Variants in MYO1H observed in about 807,000 individuals in gnomAD.
MYO1H encodes myosin IH, also known as unconventional myosin-Ih.
A neutral mutation model predicts 149.3 loss-of-function variants in MYO1H; 118 were observed. The observed-to-expected ratio is 0.79, with a 90% CI of 0.68 to 0.92. The LOEUF is 0.92. Among genes scored for constraint, MYO1H ranks in the 40% least tolerant of loss-of-function variants. The probability of loss-of-function intolerance (pLI) is 0.00; values close to 1 mark genes in which losing one functional copy is unlikely to be tolerated. For synonymous variants in MYO1H, 447 were observed against 465.2 expected, an observed-to-expected ratio of 0.96 and a Z score of 0.50; for missense variants, 1,212 against 1,280.7, an observed-to-expected ratio of 0.95 and a Z score of 0.82.
At position 109,393,459 on chromosome 12, in the gene MYO1H, C is replaced by A; in HGVS notation, c.290+13C>A. 2 of 1,523,232 alleles carry A rather than the reference C, an allele frequency of 1.3e-6. No individual in the cohort carries two copies. Among genetic ancestry groups the A allele is most frequent in the East Asian group, 2.4e-5 (1 of 42,344 alleles). The allele number at this position is 1,523,232 out of a possible 1,614,324, so 94.4% of individuals were successfully genotyped here. A position where few individuals can be genotyped will look rare whatever the true frequency, so the allele number is the denominator to read the frequency against. ...TGCCACCACATGTGTAAGTAGCATC[C>A]ACAGGATCATCACTAGGAGGATTTT... On this transcript the variant is annotated intron_variant, in intron 3 of 31. Coordinates refer to ENST00000310903, the Ensembl canonical transcript of MYO1H.
At chr12:109,340,799 C>T in the MYO1H span, among the ~76,000 whole-genome samples, 4 of 152,052 alleles carry the variant, frequency 2.6e-5, no homozygotes, top group Admixed American at 2.6e-4. Context: ...AATATTGATC[C>T]TTTTTGCATA....
the MYO1H span, among the ~76,000 whole-genome samples, chr12:109,312,162 G>A: frequency 6.6e-6 from 1 of 152,042 alleles, no homozygotes; most frequent in African/African-American, 2.4e-5. Context: ...TAACTCACTT[G>A]GCAAGCTGAA....
At chr12:109,402,734 T>C (rs1870218831) in intron 6 of MYO1H, among the ~76,000 whole-genome samples, 1 of 152,252 alleles carries the variant, frequency 6.6e-6, no homozygotes, top group African/African-American at 2.4e-5. Flanking sequence ...GTGATGTTTT[T>C]TTCTTTTTGG....
intron 22 of MYO1H, among the ~76,000 whole-genome samples, chr12:109,437,546 TG>T (rs1871914101): frequency 6.6e-6 from 1 of 152,188 alleles, no homozygotes; most frequent in Non-Finnish European, 1.5e-5. Flanking sequence ...AACTCAAGTC[TG>T]CCATGGTAGC....
the MYO1H span, among the ~76,000 whole-genome samples, chr12:109,313,281 C>T: frequency 1.3e-5 from 2 of 152,106 alleles, no homozygotes; most frequent in East Asian, 1.9e-4. Context: ...CACAAGTTCT[C>T]ACAGGAGAGT....
At chr12:109,420,865 T>C (rs186362968) in intron 15 of MYO1H, 116 bp from the exon 16 acceptor site, 2 of 700,488 alleles carry the variant, frequency 2.9e-6, no homozygotes, top group East Asian at 2.7e-5. Flanking sequence ...GTTGAGAAAC[T>C]ATGAGCTAAT....
At chr12:109,370,933 G>A (rs1286849967) in intron 1 of MYO1H, among the ~76,000 whole-genome samples, 1 of 152,336 alleles carries the variant, frequency 6.6e-6, no homozygotes, top group East Asian at 1.9e-4. Flanking sequence ...GTCAGCTGCA[G>A]TTATTAGGAT....
At chr12:109,340,546 C>G in the MYO1H span, among the ~76,000 whole-genome samples, 1 of 152,056 alleles carries the variant, frequency 6.6e-6, no homozygotes, top group East Asian at 1.9e-4. Context: ...ACAAGTAACA[C>G]TAATAGCCAG....
chr12:109,326,662 C>T, the MYO1H span, among the ~76,000 whole-genome samples: 1 of 151,746 alleles, frequency 6.6e-6, no homozygotes, highest in Non-Finnish European at 1.5e-5. Context: ...GCCGGGATTA[C>T]AGGCATGTCA....
Position 109,388,707 on chromosome 12 carries a change from AT to A in MYO1H, c.38del (p.Ile13ThrfsTer9), listed in dbSNP as rs1869496319. The A allele has an allele frequency of 1.3e-6, 2 of 1,591,940 alleles. No individual in the cohort carries two copies. The highest frequency in any genetic ancestry group is 1.7e-6 in the Non-Finnish European group (2 of 1,168,388). On this transcript the variant is annotated frameshift_variant, in exon 2 of 32. Coordinates refer to ENST00000310903, the Ensembl canonical transcript of MYO1H. LOFTEE classifies it high-confidence loss of function. Reference sequence around the variant, plus strand: ...GAAAGAAGACGTGAGGAGGAAACACATCCGTCTGCACATGGAAGGGGCGCTG... The same window carrying A: ...GAAAGAAGACGTGAGGAGGAAACACACCGTCTGCACATGGAAGGGGCGCTG...
At chr12:109,362,392 T>C (rs1336250718) in intron 1 of MYO1H, among the ~76,000 whole-genome samples, 2 of 152,208 alleles carry the variant, frequency 1.3e-5, no homozygotes, top group Non-Finnish European at 2.9e-5. Context: ...TCCACTATGT[T>C]TTGTTTTGTA....
chr12:109,314,822 A>T, the MYO1H span, among the ~76,000 whole-genome samples: 3 of 152,194 alleles, frequency 2.0e-5, no homozygotes, highest in African/African-American at 7.2e-5. Context: ...AGAATAATCA[A>T]GTTGGCTGGG....
intron 1 of MYO1H, among the ~76,000 whole-genome samples, chr12:109,350,570 T>C (rs1413167755): frequency 2.0e-5 from 3 of 152,228 alleles, no homozygotes; most frequent in Non-Finnish European, 2.9e-5. Flanking sequence ...CCTCTTTCCT[T>C]TGTAAATTGC....
the MYO1H span, among the ~76,000 whole-genome samples, chr12:109,320,001 G>A: frequency 3.0e-3 from 453 of 152,156 alleles, 1 homozygote; most frequent in African/African-American, 0.01. Flanking sequence ...TGAACCATAC[G>A]GGGCTATGTA....
At chr12:109,361,323 C>T (rs1396729227) in intron 1 of MYO1H, among the ~76,000 whole-genome samples, 1 of 152,112 alleles carries the variant, frequency 6.6e-6, no homozygotes, top group Non-Finnish European at 1.5e-5. Flanking sequence ...ATACCTCCTC[C>T]ACTTAACTCC....
At chr12:109,402,437 A>G (rs1292100913) in intron 6 of MYO1H, among the ~76,000 whole-genome samples, 1 of 152,194 alleles carries the variant, frequency 6.6e-6, no homozygotes, top group Non-Finnish European at 1.5e-5. Flanking sequence ...TCTAGAAATC[A>G]TGGAAGAAAA....
intron 6 of MYO1H, among the ~76,000 whole-genome samples, chr12:109,402,147 C>T (rs542135960): frequency 6.6e-6 from 1 of 152,326 alleles, no homozygotes; most frequent in East Asian, 1.9e-4. Flanking sequence ...TATAAACAAG[C>T]CTAGAGTCTA....
At chr12:109,332,195 C>G in the MYO1H span, among the ~76,000 whole-genome samples, 1 of 152,186 alleles carries the variant, frequency 6.6e-6, no homozygotes, top group African/African-American at 2.4e-5. Flanking sequence ...TAGAATTGGT[C>G]TGCTTACTTG....
At chr12:109,348,722 G>T (rs994924852) in intron 1 of MYO1H, among the ~76,000 whole-genome samples, 2 of 152,188 alleles carry the variant, frequency 1.3e-5, no homozygotes, top group Non-Finnish European at 2.9e-5. Flanking sequence ...CCAAGGACAG[G>T]TTTTCTGGGT....
Sources: gnomAD v4.1 joint callset for allele counts (sites outside exome capture counted in the v4.1 genomes callset) on GRCh38, gnomAD v4.1.1 for gene constraint, MANE v1.5 for transcripts, NCBI Gene and HGNC (gene_info 2026-07-23, HGNC 2026-07-21) for gene names.